Variants in AADACL3 observed in about 807,000 individuals in gnomAD.
AADACL3 encodes arylacetamide deacetylase-like 3.
A neutral mutation model predicts 13.6 loss-of-function variants in AADACL3; 13 were observed. That is an observed-to-expected ratio of 0.95 (90% CI 0.62 to 1.52). The LOEUF (loss-of-function observed/expected upper bound fraction) is 1.52, where lower values mean the gene tolerates loss of function less well. Ranked by LOEUF, AADACL3 falls within the 40% of genes most tolerant of loss-of-function variation. The pLI is 0.00. For synonymous variants in AADACL3, 195 were observed against 197.0 expected, an observed-to-expected ratio of 0.99 and a Z score of 0.08; for missense variants, 519 against 499.2, an observed-to-expected ratio of 1.04 and a Z score of -0.38.
At chr1:12,716,568 T>A (rs1312606728) in intron 1 of AADACL3, among the ~76,000 whole-genome samples, 5 of 152,244 alleles carry the variant, frequency 3.3e-5, no homozygotes, top group Admixed American at 6.5e-5. Context: ...ATTCAAAGAA[T>A]GATCTGCTTT....
At chr1:12,720,247 C>T (rs936766353) in intron 2 of AADACL3, among the ~76,000 whole-genome samples, 1 of 152,114 alleles carries the variant, frequency 6.6e-6, no homozygotes, top group African/African-American at 2.4e-5. Flanking sequence ...GAGGAAACAC[C>T]TTTATTTGCT....
intron 3 of AADACL3, 130 bp from the exon 4 acceptor site, chr1:12,725,092 C>G: frequency 1.4e-5 from 14 of 993,742 alleles, no homozygotes; most frequent in Non-Finnish European, 1.8e-5. Flanking sequence ...ATTTAAGCCT[C>G]ACACCTAACT....
At chr1:12,723,672 T>C (rs904547424) in intron 3 of AADACL3, among the ~76,000 whole-genome samples, 7 of 152,090 alleles carry the variant, frequency 4.6e-5, no homozygotes, top group Non-Finnish European at 1.0e-4. Flanking sequence ...AGAGGCAGGG[T>C]TTCACCTTGT....
chr1:12,718,986 T>C (rs558272491), intron 1 of AADACL3, among the ~76,000 whole-genome samples: 1 of 152,332 alleles, frequency 6.6e-6, no homozygotes, highest in East Asian at 1.9e-4. Flanking sequence ...ATCCTAAAAA[T>C]TTTCAGTAGG....
intron 1 of AADACL3, 121 bp downstream of exon 1, chr1:12,716,465 T>C: frequency 1.5e-6 from 2 of 1,359,182 alleles, no homozygotes; most frequent in Non-Finnish European, 1.1e-6. Context: ...CAGTGACAGC[T>C]GATCAGACCT....
In AADACL3 at chr1:12,720,863, A is replaced by G; in HGVS notation, c.386-20A>G. Reference sequence around the variant, plus strand: ...AAAGGAAGCCTTCCTAGTGAATCTTAAAAACCATTTATTTTCTAGAAACCC... The same window carrying G: ...AAAGGAAGCCTTCCTAGTGAATCTTGAAAACCATTTATTTTCTAGAAACCC... On this transcript the variant is annotated intron_variant, in intron 2 of 3. Coordinates refer to ENST00000359318, the MANE Select transcript of AADACL3 (RefSeq NM_001103170.3). 1 of 1,603,656 alleles carries G rather than the reference A, an allele frequency of 6.2e-7. No homozygotes were observed. The highest frequency in any genetic ancestry group is 1.1e-5 in the South Asian group (1 of 90,954).
At position 12,716,355 on chromosome 1, in the gene AADACL3, T is replaced by C. The variant is rs1330678923; in HGVS notation, c.168+11T>C. On this transcript the variant is annotated intron_variant, in intron 1 of 3. Transcript: ENST00000359318. ...CTGCTGTTGACTTGGGTGAGTTTTGTGCTTTATGTGTCCCCTCCAGCTGAC... is the reference window on the plus strand; with the variant it reads ...CTGCTGTTGACTTGGGTGAGTTTTGCGCTTTATGTGTCCCCTCCAGCTGAC... The C allele has an allele frequency of 6.2e-7, 1 of 1,614,192 alleles. No homozygotes were observed. Among genetic ancestry groups the C allele is most frequent in the Admixed American group, 1.7e-5 (1 of 60,026 alleles).
intron 1 of AADACL3, 41 bp downstream of exon 1, chr1:12,716,385 AAGGAAGGCGGC>A: frequency 6.2e-7 from 1 of 1,613,790 alleles, no homozygotes; most frequent in East Asian, 2.2e-5. Context: ...GCTGACCATT[AAGGAAGGCGGC>A]AGGAAAAATC....
chr1:12,723,461 T>C (rs1638307055), intron 3 of AADACL3, among the ~76,000 whole-genome samples: 1 of 152,054 alleles, frequency 6.6e-6, no homozygotes. Flanking sequence ...TGTAGATGTA[T>C]GATTATTGTA....
intron 3 of AADACL3, among the ~76,000 whole-genome samples, chr1:12,724,033 C>T (rs1178782361): frequency 6.6e-6 from 1 of 152,194 alleles, no homozygotes; most frequent in Admixed American, 6.5e-5. Context: ...ATCCACCTGC[C>T]TCGGCCTCCC....
Position 12,728,255 on chromosome 1 carries a change from T to C in AADACL3, c.*2259T>C, listed in dbSNP as rs1569638864. On this transcript the variant is annotated 3_prime_UTR_variant, in exon 4 of 4. Coordinates refer to ENST00000359318, the MANE Select transcript of AADACL3 (RefSeq NM_001103170.3). ...GACCATTTAAATTTGCCACCTCTTA[T>C]GTTCCTCACATTAATCTTACAGAGT... 1 of 152,250 alleles carries C rather than the reference T, an allele frequency of 6.6e-6. No individual in the cohort carries two copies. Among genetic ancestry groups the C allele is most frequent in the Non-Finnish European group, 1.5e-5 (1 of 68,042 alleles). 9.4% of individuals were successfully genotyped at this position (152,250 alleles called of 1,614,324 possible). A position where few individuals can be genotyped will look rare whatever the true frequency, so the allele number is the denominator to read the frequency against.
At chr1:12,718,477 G>C (rs981430103) in intron 1 of AADACL3, among the ~76,000 whole-genome samples, 1 of 152,016 alleles carries the variant, frequency 6.6e-6, no homozygotes, top group Non-Finnish European at 1.5e-5. Flanking sequence ...CAGAGGGAGA[G>C]CCCTCTTTAT....
chr1:12,726,065 G>A lies in AADACL3; in HGVS notation c.*69G>A. 6.6e-7 allele frequency: 1 copy of A among 1,524,060 alleles called. No individual in the cohort carries two copies. Among genetic ancestry groups the A allele is most frequent in the Non-Finnish European group, 8.8e-7 (1 of 1,132,042 alleles). The allele number at this position is 1,524,060 out of a possible 1,614,324, so 94.4% of individuals were successfully genotyped here. ...CATCCAGCCTCCCACAGGGCTCTCT[G>A]TTGCTGATTTAGGTGGTGCATAGTG... On this transcript the variant is annotated 3_prime_UTR_variant, in exon 4 of 4. Transcript: ENST00000359318.
chr1:12,723,175 C>G (rs6698872), intron 3 of AADACL3, among the ~76,000 whole-genome samples: 49,689 of 151,700 alleles, frequency 0.33, 8,867 homozygotes, highest in African/African-American at 0.48. Flanking sequence ...CCTGCCCTAA[C>G]CTTCTAAATA....
chr1:12,718,896 C>T (rs1361351651), intron 1 of AADACL3, among the ~76,000 whole-genome samples: 2 of 152,164 alleles, frequency 1.3e-5, no homozygotes, highest in East Asian at 1.9e-4. Flanking sequence ...GGCCTGTCTC[C>T]CTTCCCTGTG....
At position 12,728,395 on chromosome 1, in the gene AADACL3, TTA is replaced by T. The variant is rs1411927327; in HGVS notation, c.*2402_*2403del. The stretch of plus-strand genomic sequence containing the variant: ...ATGTAAAAGTTACATTTCCACTATA[TTA>T]TAGTTTATTAAGTGTGCAATAGCAT... On this transcript the variant is annotated 3_prime_UTR_variant, in exon 4 of 4. Transcript: ENST00000359318. The T allele has an allele frequency of 6.6e-6, 1 of 152,232 alleles. No individual in the cohort carries two copies. The highest frequency in any genetic ancestry group is 2.4e-5 in the African/African-American group (1 of 41,456). 9.4% of individuals were successfully genotyped at this position (152,232 alleles called of 1,614,324 possible).
At chr1:12,722,322 G>A (rs944378816) in intron 3 of AADACL3, among the ~76,000 whole-genome samples, 41 of 94,484 alleles carry the variant, frequency 4.3e-4, no homozygotes, top group East Asian at 1.8e-3. Context: ...GTGAGATTCC[G>A]TCTGAAAAAA....
chr1:12,722,761 A>G (rs1638291357), intron 3 of AADACL3, among the ~76,000 whole-genome samples: 1 of 151,700 alleles, frequency 6.6e-6, no homozygotes, highest in Non-Finnish European at 1.5e-5. Flanking sequence ...GGAATCTCTT[A>G]GCAATACCAG....
chr1:12,725,437 A>G lies in AADACL3; in HGVS notation c.665A>G (p.Tyr222Cys), dbSNP rs771410109. Residue 222 changes from tyrosine to cysteine, a missense_variant, in exon 4 of 4, where the codon TAT becomes TGT. Coordinates refer to ENST00000359318, the MANE Select transcript of AADACL3 (RefSeq NM_001103170.3). ...CGGATCCGGGCTCAGATCCTGATCTATGCCATTCTCCAAGCCCTGGATTTA... is the reference window on the plus strand; with the variant it reads ...CGGATCCGGGCTCAGATCCTGATCTGTGCCATTCTCCAAGCCCTGGATTTA... ...LPRIRAQILI[Y>C]AILQALDLQT... 2.5e-6 allele frequency: 4 copies of G among 1,614,024 alleles called. No individual in the cohort carries two copies. The highest frequency in any genetic ancestry group is 2.2e-5 in the South Asian group (2 of 91,032).
Sources: gnomAD v4.1 joint callset for allele counts (sites outside exome capture counted in the v4.1 genomes callset) on GRCh38, gnomAD v4.1.1 for gene constraint, MANE v1.5 for transcripts, NCBI Gene and HGNC (gene_info 2026-07-23, HGNC 2026-07-21) for gene names.